KRIT1: variants seen among roughly 807,000 people sequenced by gnomAD.
The protein encoded by KRIT1 is KRIT1 ankyrin repeat containing, also known as krev interaction trapped protein 1.
In KRIT1, 45 loss-of-function variants were observed where a neutral mutation model predicts 95.8. The ratio of observed to expected loss-of-function variants is 0.47; its 90% confidence interval spans 0.37 to 0.60. KRIT1 has a LOEUF of 0.60. Among genes scored for constraint, KRIT1 ranks in the 20% least tolerant of loss-of-function variants. KRIT1 has a pLI of 0.00. For synonymous variants in KRIT1, 282 were observed against 278.8 expected (o/e 1.01, Z -0.11); for missense variants, 788 against 877.5 (o/e 0.90, Z 1.29).
At chr7:92,232,704 T>C (rs1050791709) in intron 10 of KRIT1, among the ~76,000 whole-genome samples, 4 of 151,932 alleles carry the variant, frequency 2.6e-5, no homozygotes, top group Admixed American at 1.3e-4. Flanking sequence ...CTTTTTTTCC[T>C]TTTTTTTGAG....
chr7:92,239,710 T>C (rs1263140191), intron 5 of KRIT1, among the ~76,000 whole-genome samples: 2 of 148,894 alleles, frequency 1.3e-5, no homozygotes, highest in Non-Finnish European at 3.0e-5. Context: ...GCAGGAACTT[T>C]TTTTTTTTTT....
intron 17 of KRIT1, among the ~76,000 whole-genome samples, chr7:92,207,595 G>A (rs1349711454): frequency 6.6e-6 from 1 of 152,140 alleles, no homozygotes; most frequent in Non-Finnish European, 1.5e-5. Flanking sequence ...AGTGGCTCAC[G>A]CCTGTAATCC....
chr7:92,221,080 T>G (rs1234880617), intron 14 of KRIT1, among the ~76,000 whole-genome samples: 5 of 152,182 alleles, frequency 3.3e-5, no homozygotes, highest in Admixed American at 2.6e-4. Flanking sequence ...AGACTTCTTT[T>G]CATCAAATGT....
At chr7:92,222,766 C>A (rs1563265444) in intron 13 of KRIT1, 56 bp downstream of exon 13, 13 of 1,045,154 alleles carry the variant, frequency 1.2e-5, no homozygotes, top group Non-Finnish European at 1.9e-5. Flanking sequence ...TTTCTACCAA[C>A]CCACTCCCAA....
chr7:92,213,473 G>T, intron 16 of KRIT1, 72 bp from the exon 17 acceptor site: 1 of 960,960 alleles, frequency 1.0e-6, no homozygotes, highest in Non-Finnish European at 1.6e-6. Flanking sequence ...AATCCAAATA[G>T]ATCAACTAAG....
At chr7:92,216,968 G>A (rs1190787160) in intron 14 of KRIT1, among the ~76,000 whole-genome samples, 1 of 152,066 alleles carries the variant, frequency 6.6e-6, no homozygotes, top group Non-Finnish European at 1.5e-5. Flanking sequence ...GTGTAATTCT[G>A]TTTTTCAGAT....
At chr7:92,238,960 G>C (rs1210274347) in intron 5 of KRIT1, among the ~76,000 whole-genome samples, 2 of 152,140 alleles carry the variant, frequency 1.3e-5, no homozygotes, top group Admixed American at 6.5e-5. Flanking sequence ...AAAATTTTAA[G>C]CCTAACTACT....
At chr7:92,201,151 G>A (rs554983577) in intron 18 of KRIT1, among the ~76,000 whole-genome samples, 156 bp downstream of exon 18, 1 of 152,226 alleles carries the variant, frequency 6.6e-6, no homozygotes, top group East Asian at 1.9e-4. Flanking sequence ...ATTTTTCCTT[G>A]CTTAGAAGGC....
intron 5 of KRIT1, 196 bp downstream of exon 5, chr7:92,240,797 T>A: frequency 1.7e-6 from 1 of 595,418 alleles, no homozygotes; most frequent in Non-Finnish European, 3.0e-6. Context: ...TAAATACTTC[T>A]CAACTTTTAA....
intron 17 of KRIT1, among the ~76,000 whole-genome samples, chr7:92,211,779 T>C (rs1270395727): frequency 6.6e-6 from 1 of 152,100 alleles, no homozygotes; most frequent in Admixed American, 6.6e-5. Flanking sequence ...CTCATAAATA[T>C]GTACAACTAC....
intron 4 of KRIT1, 119 bp downstream of exon 4, chr7:92,241,915 A>T (rs1799740062): frequency 4.5e-6 from 3 of 659,424 alleles, no homozygotes; most frequent in Admixed American, 5.1e-5. Flanking sequence ...TAATGGGCAG[A>T]GACCTAAAAT....
At chr7:92,227,027 T>G (rs1796339553) in intron 10 of KRIT1, among the ~76,000 whole-genome samples, 1 of 152,138 alleles carries the variant, frequency 6.6e-6, no homozygotes, top group East Asian at 1.9e-4. Flanking sequence ...AAACAGAAAG[T>G]AACTCATATA....
chr7:92,204,844 C>G (rs1212349890), intron 17 of KRIT1, among the ~76,000 whole-genome samples: 3 of 152,128 alleles, frequency 2.0e-5, no homozygotes, highest in South Asian at 2.1e-4. Context: ...TTGGGGACCC[C>G]TGCTAGAAGA....
chr7:92,234,419 T>C (rs1166729844), intron 10 of KRIT1, 30 bp downstream of exon 10: 6 of 1,510,244 alleles, frequency 4.0e-6, no homozygotes, highest in Non-Finnish European at 4.6e-6. Flanking sequence ...GTATTCTTTC[T>C]AAAAAGAAAA....
At chr7:92,232,622 A>G (rs933245110) in intron 10 of KRIT1, among the ~76,000 whole-genome samples, 1 of 151,948 alleles carries the variant, frequency 6.6e-6, no homozygotes, top group Admixed American at 6.6e-5. Context: ...CCAAATCTAT[A>G]GTATACTTTT....
intron 17 of KRIT1, among the ~76,000 whole-genome samples, chr7:92,207,173 C>T (rs1791723086): frequency 6.6e-6 from 1 of 152,038 alleles, no homozygotes; most frequent in African/African-American, 2.4e-5. Context: ...CCAAGCAGAT[C>T]TAACCTAAAA....
chr7:92,231,304 T>G (rs935317620), intron 10 of KRIT1, among the ~76,000 whole-genome samples: 6 of 152,228 alleles, frequency 3.9e-5, no homozygotes, highest in African/African-American at 1.4e-4. Flanking sequence ...AACTCTTATT[T>G]TTTTCATTAA....
chr7:92,201,822 T>C (rs1380835364), intron 17 of KRIT1, among the ~76,000 whole-genome samples: 1 of 152,152 alleles, frequency 6.6e-6, no homozygotes, highest in African/African-American at 2.4e-5. Context: ...TTGCTGAGAA[T>C]GATAGTTTCC....
At chr7:92,228,907 G>A (rs1320236338) in intron 10 of KRIT1, among the ~76,000 whole-genome samples, 1 of 152,108 alleles carries the variant, frequency 6.6e-6, no homozygotes, top group African/African-American at 2.4e-5. Context: ...GTCCTGCAAA[G>A]ACAAGATCTT....
Sources: gnomAD v4.1 joint callset for allele counts (sites outside exome capture counted in the v4.1 genomes callset) on GRCh38, gnomAD v4.1.1 for gene constraint, MANE v1.5 for transcripts, NCBI Gene and HGNC (gene_info 2026-07-23, HGNC 2026-07-21) for gene names.